Variants in WWP1 observed in about 807,000 individuals in gnomAD.
WWP1 encodes NEDD4-like E3 ubiquitin-protein ligase WWP1.
A neutral mutation model predicts 130.6 loss-of-function variants in WWP1; 49 were observed. The ratio of observed to expected loss-of-function variants is 0.38; its 90% confidence interval spans 0.30 to 0.48. The LOEUF (loss-of-function observed/expected upper bound fraction) is 0.48. Among genes scored for constraint, WWP1 ranks in the 20% least tolerant of loss-of-function variants. The pLI, the probability that WWP1 is intolerant of heterozygous loss-of-function variation, is 0.99. For missense variants in WWP1, 809 were observed against 1,100.6 expected (o/e 0.74, Z 3.75); for synonymous variants, 332 against 367.8 (o/e 0.90, Z 1.11).
chr8:86,450,497 T>TA (rs1032381322), intron 20 of WWP1, among the ~76,000 whole-genome samples: 11 of 152,138 alleles, frequency 7.2e-5, no homozygotes, highest in East Asian at 1.9e-4. Context: ...TCTAAGTGGT[T>TA]AAAAAAAATG....
At position 86,460,438 on chromosome 8, in the gene WWP1, C is replaced by A. The variant is rs150724557; in HGVS notation, c.2500-786C>A. 9.8e-3 allele frequency among the ~76,000 whole-genome samples: 1,497 copies of A among 152,188 alleles called. 28 individuals carry two copies. The highest frequency in any genetic ancestry group is 0.034 in the African/African-American group (1,427 of 41,500). On this transcript the variant is annotated intron_variant, in intron 22 of 24. Coordinates refer to ENST00000517970, the MANE Select transcript of WWP1 (RefSeq NM_007013.4). ...TTTAAACTCTCTAGGCCTCCATTTCCTTATATGTACAGTGGGGATGCTAAT... is the reference window on the plus strand; with the variant it reads ...TTTAAACTCTCTAGGCCTCCATTTCATTATATGTACAGTGGGGATGCTAAT...
intron 21 of WWP1, 87 bp downstream of exon 21, chr8:86,452,766 T>G: frequency 6.6e-7 from 1 of 1,504,106 alleles, no homozygotes; most frequent in Non-Finnish European, 9.0e-7. Flanking sequence ...GTTCACACAT[T>G]TTAAAATCCT....
intron 8 of WWP1, among the ~76,000 whole-genome samples, chr8:86,404,426 A>G (rs1808162511): frequency 6.6e-6 from 1 of 152,244 alleles, no homozygotes; most frequent in Non-Finnish European, 1.5e-5. Flanking sequence ...GGCTTTCCTC[A>G]TCATAGAATC....
intron 1 of WWP1, among the ~76,000 whole-genome samples, chr8:86,362,235 G>A (rs548197867): frequency 1.6e-5 from 2 of 124,478 alleles, no homozygotes; most frequent in Admixed American, 8.8e-5. Flanking sequence ...TTGTTAAAAT[G>A]CCTAATGCCT....
At chr8:86,466,199 T>C (rs1586536728) in intron 24 of WWP1, among the ~76,000 whole-genome samples, 1 of 152,218 alleles carries the variant, frequency 6.6e-6, no homozygotes. Flanking sequence ...TTTTTTAGTA[T>C]TTTAAAATTT....
At chr8:86,423,785 C>T (rs1435486241) in intron 9 of WWP1, among the ~76,000 whole-genome samples, 1 of 150,162 alleles carries the variant, frequency 6.7e-6, no homozygotes, top group Non-Finnish European at 1.5e-5. Context: ...CTCCTCACTT[C>T]CCAGAAGGGG....
chr8:86,410,915 T>G (rs746954800), intron 8 of WWP1, among the ~76,000 whole-genome samples: 1 of 152,198 alleles, frequency 6.6e-6, no homozygotes, highest in Non-Finnish European at 1.5e-5. Context: ...GGTTTTGTTC[T>G]GTAATCTATT....
At chr8:86,435,160 C>T (rs920302789) in intron 14 of WWP1, among the ~76,000 whole-genome samples, 10 of 152,252 alleles carry the variant, frequency 6.6e-5, no homozygotes, top group South Asian at 2.1e-4. Flanking sequence ...TAAGGATTAT[C>T]GAAGATTTTC....
chr8:86,409,806 G>T (rs1389749238), intron 8 of WWP1, among the ~76,000 whole-genome samples: 2 of 151,938 alleles, frequency 1.3e-5, no homozygotes. Context: ...GTTGCAGTGA[G>T]CTGTGATTGT....
chr8:86,400,338 G>GA (rs371275452), intron 7 of WWP1, among the ~76,000 whole-genome samples: 1 of 151,506 alleles, frequency 6.6e-6, no homozygotes, highest in Non-Finnish European at 1.5e-5. Flanking sequence ...GTCTCGGGGG[G>GA]AAAAAAATAA....
At chr8:86,447,575 G>GT (rs770138158) in intron 18 of WWP1, among the ~76,000 whole-genome samples, 4 of 152,146 alleles carry the variant, frequency 2.6e-5, no homozygotes, top group Non-Finnish European at 5.9e-5. Context: ...CTTGAAGGTA[G>GT]TTATTTTAAT....
At chr8:86,413,018 G>A (rs113978936) in intron 9 of WWP1, among the ~76,000 whole-genome samples, 8,249 of 152,082 alleles carry the variant, frequency 0.054, 316 homozygotes, top group Non-Finnish European at 0.086. Flanking sequence ...TAGTAGAGAC[G>A]GGGTTTTTCC....
intron 9 of WWP1, among the ~76,000 whole-genome samples, chr8:86,412,673 C>T (rs978390541): frequency 6.7e-5 from 10 of 150,304 alleles, no homozygotes; most frequent in African/African-American, 2.4e-4. Context: ...ATTTTGTTAC[C>T]TCAGTCACTA....
chr8:86,467,128 TGAGA>T lies in WWP1; in HGVS notation c.*238_*241del, dbSNP rs1229726608. On this transcript the variant is annotated 3_prime_UTR_variant, in exon 25 of 25. Transcript: ENST00000517970. ...GATCATCCTTAAATTTTGAAGCAAG[TGAGA>T]GACTTTATTAAAAATACATATATAT... The T allele has an allele frequency of 5.3e-6, 2 of 375,082 alleles. No homozygotes were observed. The highest frequency in any genetic ancestry group is 5.8e-5 in the East Asian group (1 of 17,350). 23.2% of individuals were successfully genotyped at this position (375,082 alleles called of 1,614,324 possible). A position where few individuals can be genotyped will look rare whatever the true frequency, so the allele number is the denominator to read the frequency against.
Position 86,367,399 on chromosome 8 carries a change from C to T in WWP1, c.-114-1540C>T, listed in dbSNP as rs147717608. On this transcript the variant is annotated intron_variant, in intron 1 of 24. Coordinates refer to ENST00000517970, the MANE Select transcript of WWP1 (RefSeq NM_007013.4). Reference sequence around the variant, plus strand: ...TAATTGGATTTCTTTCTTTCTTTCTCTTTCTTTCTTTCACAATTTTGCTTC... The same window carrying T: ...TAATTGGATTTCTTTCTTTCTTTCTTTTTCTTTCTTTCACAATTTTGCTTC... Among the ~76,000 whole-genome samples the T allele has an allele frequency of 9.9e-3, 1,506 of 152,192 alleles. 28 individuals carry two copies. Among genetic ancestry groups the T allele is most frequent in the African/African-American group, 0.035 (1,436 of 41,548 alleles).
intron 21 of WWP1, among the ~76,000 whole-genome samples, chr8:86,456,373 T>C (rs1448803250): frequency 6.6e-6 from 1 of 151,950 alleles, no homozygotes; most frequent in Non-Finnish European, 1.5e-5. Context: ...ATCTGGAATA[T>C]ATTAACAAAA....
chr8:86,364,208 A>C (rs1823829532), intron 1 of WWP1, among the ~76,000 whole-genome samples: 1 of 152,248 alleles, frequency 6.6e-6, no homozygotes, highest in Non-Finnish European at 1.5e-5. Flanking sequence ...CTGTAAATAA[A>C]GTGAATTTTA....
rs947117320 is a variant in WWP1 at position 86,467,741 on chromosome 8, A to T, written c.*848A>T. ...ATTCATAATAAATTGATGCAATTTCATACTTAGGAACATACAAAAGGTAAT... is the reference window on the plus strand; with the variant it reads ...ATTCATAATAAATTGATGCAATTTCTTACTTAGGAACATACAAAAGGTAAT... On this transcript the variant is annotated 3_prime_UTR_variant, in exon 25 of 25. Transcript: ENST00000517970. 1.5e-4 allele frequency: 23 copies of T among 152,184 alleles called. No individual in the cohort carries two copies. Among genetic ancestry groups the T allele is most frequent in the Admixed American group, 1.4e-3 (21 of 15,284 alleles). 9.4% of individuals were successfully genotyped at this position (152,184 alleles called of 1,614,324 possible). A position where few individuals can be genotyped will look rare whatever the true frequency, so the allele number is the denominator to read the frequency against.
At chr8:86,372,147 C>G (rs1207219323) in intron 2 of WWP1, among the ~76,000 whole-genome samples, 1 of 150,834 alleles carries the variant, frequency 6.6e-6, no homozygotes, top group East Asian at 1.9e-4. Context: ...CCTCAGCCTC[C>G]CGTGTAGCTG....
Sources: allele counts gnomAD v4.1 joint callset (sites outside exome capture counted in the v4.1 genomes callset), GRCh38; gene constraint gnomAD v4.1.1; transcripts MANE v1.5; gene names NCBI Gene and HGNC (gene_info 2026-07-23, HGNC 2026-07-21).